The following AP2A1 variants were observed in gnomAD, a reference collection of about 807,000 sequenced individuals.
AP2A1 encodes adaptor related protein complex 2 subunit alpha 1, also known as AP-2 complex subunit alpha-1.
AP2A1 carries 21 observed loss-of-function variants against 107.3 expected under a neutral mutation model. That is an observed-to-expected ratio of 0.20 (90% confidence interval 0.14 to 0.28). The LOEUF is 0.28. AP2A1 is among the 10% of genes least tolerant of loss of function. AP2A1 has a pLI of 1.00. For synonymous variants in AP2A1, 602 were observed against 564.8 expected (o/e 1.07, Z -0.93); for missense variants, 873 against 1,307.7 (o/e 0.67, Z 5.13).
intron 18 of AP2A1, chr19:49,803,800 T>C (rs2073323916): frequency 4.0e-6 from 1 of 247,340 alleles, no homozygotes; most frequent in South Asian, 4.9e-5. Flanking sequence ...GAAGTGTATG[T>C]AGACCCTCCT....
At chr19:49,803,255 A>C in intron 17 of AP2A1, 32 bp from the exon 18 acceptor site, 1 of 1,612,850 alleles carries the variant, frequency 6.2e-7, no homozygotes, top group Non-Finnish European at 8.5e-7. Flanking sequence ...AGAGGGACTC[A>C]GATGGAGCTC....
chr19:49,799,561 C>T, intron 9 of AP2A1, 66 bp downstream of exon 9: 1 of 1,600,730 alleles, frequency 6.2e-7, no homozygotes, highest in Admixed American at 1.7e-5. Flanking sequence ...GCTCAGAGGC[C>T]CTTGGGTGGC....
chr19:49,797,972 C>T (rs955473722), intron 7 of AP2A1, among the ~76,000 whole-genome samples: 3 of 152,088 alleles, frequency 2.0e-5, no homozygotes, highest in Non-Finnish European at 4.4e-5. Flanking sequence ...TGGACTAGCC[C>T]CCCTACACCT....
rs1384047830 is a variant in AP2A1 at position 49,799,694 on chromosome 19, C to T, written c.1200C>T (p.Ser400=). The change falls in exon 10 of 23, where the codon AGC becomes AGT. Residue 400 remains serine (S), a synonymous_variant. Transcript: ENST00000354293. The part of the protein sequence containing the change: ...ADLLYAMCDR[S]NAKQIVSEML... ...TCCTCTACGCCATGTGTGACCGGAG[C>T]AATGCCAAGCAGATCGTGTCGGAGA... 3 of 1,613,142 alleles carry T rather than the reference C, an allele frequency of 1.9e-6. No homozygotes were observed. The Admixed American group carries it at 5.0e-5, about 27-fold the overall frequency.
rs80200563 is a variant in AP2A1, at chr19:49,788,193, G to A, written c.474-3742G>A. Reference sequence around the variant, plus strand: ...AACTCCTGAGCTCAAGTGATCCTCCGTGGCCTCAGCTTCCCAAAGTGCTGA... The same window carrying A: ...AACTCCTGAGCTCAAGTGATCCTCCATGGCCTCAGCTTCCCAAAGTGCTGA... On this transcript the variant is annotated intron_variant, in intron 4 of 22. Transcript: ENST00000354293. This position sits in a 1 kb window ranked among gnomAD's most constrained non-coding sequence, Gnocchi z 4.5. Among the ~76,000 whole-genome samples the A allele has an allele frequency of 4.0e-4, 61 of 151,844 alleles. No homozygotes were observed. The highest frequency in any genetic ancestry group is 1.4e-3 in the African/African-American group (60 of 41,380).
chr19:49,803,359 C>T lies in AP2A1; in HGVS notation c.2327C>T (p.Pro776Leu), dbSNP rs372547781. Residue 776 changes from proline to leucine, a missense_variant, in exon 18 of 23, where the codon CCG becomes CTG. Pro to Leu is a moderately conservative substitution (Grantham distance 98). Transcript: ENST00000354293. ...FQNFSPTVVH[P>L]GDLQTQLAVQ... ...AATTTCTCACCCACTGTGGTTCACC[C>T]GGGAGACCTCCAGACTCATATCCTC... The T allele has an allele frequency of 5.6e-6, 9 of 1,613,688 alleles. No individual in the cohort carries two copies. The highest frequency in any genetic ancestry group is 2.7e-5 in the African/African-American group (2 of 74,880).
chr19:49,788,332 C>T lies in AP2A1; in HGVS notation c.474-3603C>T, dbSNP rs1224599063. Among the ~76,000 whole-genome samples the T allele has an allele frequency of 6.6e-6, 1 of 152,172 alleles. No homozygotes were observed. Among genetic ancestry groups the T allele is most frequent in the Non-Finnish European group, 1.5e-5 (1 of 68,038 alleles). On this transcript the variant is annotated intron_variant, in intron 4 of 22. Transcript: ENST00000354293. This position sits in a 1 kb window ranked among gnomAD's most constrained non-coding sequence, Gnocchi z 4.5. ...CCTAAGTAGCGCCATAGCCCTTATT[C>T]CACTTAACCAAGTTGATAAATAGCT...
At chr19:49,781,664 C>G in intron 1 of AP2A1, 93 bp from the exon 2 acceptor site, 1 of 1,297,996 alleles carries the variant, frequency 7.7e-7, no homozygotes, top group Non-Finnish European at 1.1e-6. Context: ...GAAGATCTGC[C>G]CTTCCTGCTG....
At position 49,802,374 on chromosome 19, in the gene AP2A1, T is replaced by C. The variant is rs927299669; in HGVS notation, c.2114+233T>C. ...CCTGGCCACCCTTCGTTGTCTCCTTTCCTGTCACCGTTTCTCAGCCTGCTC... is the reference window on the plus strand; with the variant it reads ...CCTGGCCACCCTTCGTTGTCTCCTTCCCTGTCACCGTTTCTCAGCCTGCTC... On this transcript the variant is annotated intron_variant, in intron 15 of 22. Transcript: ENST00000354293. 3 of 905,626 alleles carry C rather than the reference T, an allele frequency of 3.3e-6. No homozygotes were observed. In the East Asian group the frequency reaches 7.9e-5, roughly 24 times the overall value. The allele number at this position is 905,626 out of a possible 1,614,324, so 56.1% of individuals were successfully genotyped here.
chr19:49,796,732 G>C (rs567558889), intron 7 of AP2A1: 2 of 152,472 alleles, frequency 1.3e-5, no homozygotes, highest in East Asian at 3.9e-4. Flanking sequence ...CAGTGTTCAT[G>C]GTATCTCTGT....
At position 49,781,842 on chromosome 19, in the gene AP2A1, A is replaced by G. The variant is rs746179486; in HGVS notation, c.136+17A>G. The G allele has an allele frequency of 2.1e-5, 34 of 1,610,592 alleles. No homozygotes were observed. The highest frequency in any genetic ancestry group is 2.5e-5 in the Non-Finnish European group (30 of 1,178,324). On this transcript the variant is annotated intron_variant, in intron 2 of 22. Coordinates refer to ENST00000354293, the MANE Select transcript of AP2A1 (RefSeq NM_130787.3). Reference sequence around the variant, plus strand: ...AGTTCAAAGGTAGGCTGGGGGCCCAACTTCTGGTTCTGAGGGAGGAGGGGG... The same window carrying G: ...AGTTCAAAGGTAGGCTGGGGGCCCAGCTTCTGGTTCTGAGGGAGGAGGGGG...
chr19:49,799,972 T>C lies in AP2A1; in HGVS notation c.1277T>C (p.Leu426Pro), dbSNP rs748493956. 1 of 1,613,368 alleles carries C rather than the reference T, an allele frequency of 6.2e-7. No individual in the cohort carries two copies. Among genetic ancestry groups the C allele is most frequent in the Non-Finnish European group, 8.5e-7 (1 of 1,179,354 alleles). Residue 426 changes from leucine (L) to proline (P), a missense_variant, in exon 11 of 23, where the codon CTG (leucine) becomes CCG (proline). Around this residue, in one of 4 missense-constraint regions of AP2A1, gnomAD observed 213 missense variants for 443.5 expected, o/e 0.48. Transcript: ENST00000354293. ...ADYAIREEIV[L>P]KVAILAEKYA... ...TCTCACACGCCCCGGCGGCAGGTCC[T>C]GAAGGTGGCCATCCTGGCCGAGAAG...
intron 1 of AP2A1, among the ~76,000 whole-genome samples, chr19:49,779,954 T>C (rs1178070753): frequency 6.6e-6 from 1 of 152,198 alleles, no homozygotes; most frequent in East Asian, 1.9e-4. Flanking sequence ...GTGAGGCTTA[T>C]GGGAGCTTCC....
At chr19:49,800,904 G>A (rs534769204) in intron 11 of AP2A1, 57 bp from the exon 12 acceptor site, 130 of 1,460,404 alleles carry the variant, frequency 8.9e-5, no homozygotes, top group Non-Finnish European at 1.1e-4. Flanking sequence ...TGCACCCACC[G>A]ATCCCGGAGA....
chr19:49,775,080 T>C (rs1372081341), intron 1 of AP2A1, among the ~76,000 whole-genome samples: 3 of 151,102 alleles, frequency 2.0e-5, no homozygotes, highest in East Asian at 3.9e-4. Flanking sequence ...CTTTTAAAAT[T>C]AGCCACGCAT....
At chr19:49,773,602 G>T (rs529521521) in intron 1 of AP2A1, among the ~76,000 whole-genome samples, 2 of 152,316 alleles carry the variant, frequency 1.3e-5, no homozygotes, top group South Asian at 2.1e-4. Flanking sequence ...CTGCCCTAGG[G>T]TGCTCACGTT....
Position 49,805,858 on chromosome 19 carries a change from T to G in AP2A1, c.2586-14T>G, listed in dbSNP as rs374097753. 1.2e-5 allele frequency: 20 copies of G among 1,613,504 alleles called. No homozygotes were observed. Among genetic ancestry groups the G allele is most frequent in the Non-Finnish European group, 1.7e-5 (20 of 1,179,882 alleles). On this transcript the variant is annotated splice_polypyrimidine_tract_variant and intron_variant, in intron 20 of 22. Coordinates refer to ENST00000354293, the MANE Select transcript of AP2A1 (RefSeq NM_130787.3). ...GCCGTCCAGGTCCCTGACTTGAACCTTCCCGGTCCCCAGCCCTCAACAGGA... is the reference window on the plus strand; with the variant it reads ...GCCGTCCAGGTCCCTGACTTGAACCGTCCCGGTCCCCAGCCCTCAACAGGA...
At chr19:49,796,083 C>T (rs555296745) in intron 7 of AP2A1, 36 of 284,284 alleles carry the variant, frequency 1.3e-4, no homozygotes, top group South Asian at 9.1e-4. Flanking sequence ...GTCACTCACC[C>T]GGTCAGTGGG....
At chr19:49,795,076 G>A (rs1180307183) in intron 6 of AP2A1, among the ~76,000 whole-genome samples, 1 of 152,216 alleles carries the variant, frequency 6.6e-6, no homozygotes, top group East Asian at 1.9e-4. Context: ...CTGCCCCTGA[G>A]TGGCTTCAAG....
Sources: gnomAD v4.1 joint callset for allele counts (sites outside exome capture counted in the v4.1 genomes callset) on GRCh38, gnomAD v4.1.1 for gene constraint, gnomAD v4.1.1 regional missense constraint, Gnocchi (gnomAD v3.1) non-coding constraint, MANE v1.5 for transcripts, NCBI Gene and HGNC (gene_info 2026-07-23, HGNC 2026-07-21) for gene names.